Variants in SGPL1 observed in about 807,000 individuals in gnomAD.
The protein encoded by SGPL1 is SP-lyase 1.
In SGPL1, 37 loss-of-function variants were observed where a neutral mutation model predicts 68.9. The ratio of observed to expected loss-of-function variants is 0.54; its 90% confidence interval spans 0.41 to 0.71. SGPL1 has a LOEUF of 0.71. SGPL1 is among the 30% of genes least tolerant of loss of function. The pLI is 0.00. For synonymous variants in SGPL1, 236 were observed against 248.5 expected, an observed-to-expected ratio of 0.95 and a Z score of 0.47; for missense variants, 551 against 704.6, an observed-to-expected ratio of 0.78 and a Z score of 2.47.
rs1443709170 is a variant in SGPL1, at chr10:70,880,632, A to G, written c.*3297A>G. 1 of 152,244 alleles carries G rather than the reference A, an allele frequency of 6.6e-6. No homozygotes were observed. Among genetic ancestry groups the G allele is most frequent in the Non-Finnish European group, 1.5e-5 (1 of 68,048 alleles). 9.4% of individuals were successfully genotyped at this position (152,244 alleles called of 1,614,324 possible). A position where few individuals can be genotyped will look rare whatever the true frequency, so the allele number is the denominator to read the frequency against. On this transcript the variant is annotated 3_prime_UTR_variant, in exon 15 of 15. Transcript: ENST00000373202. ...CTGGAGATCTTATTCTATTATGAATAAGAAACGAGAAGTTTTTCCAAAGTG... is the reference window on the plus strand; with the variant it reads ...CTGGAGATCTTATTCTATTATGAATGAGAAACGAGAAGTTTTTCCAAAGTG...
At position 70,854,840 on chromosome 10, in the gene SGPL1, G is replaced by A; in HGVS notation, c.394G>A (p.Glu132Lys). 1 of 1,611,546 alleles carries A rather than the reference G, an allele frequency of 6.2e-7. No individual in the cohort carries two copies. The highest frequency in any genetic ancestry group is 8.5e-7 in the Non-Finnish European group (1 of 1,178,940). ...ATCTGCTGTTTTGGAGAAACTTAAGGAGTACAGCTCTATGGGTATGATGCT... is the reference window on the plus strand; with the variant it reads ...ATCTGCTGTTTTGGAGAAACTTAAGAAGTACAGCTCTATGGGTATGATGCT... ...SSSAVLEKLKEYSSMDAFWQE... is the reference protein window; with the variant it reads ...SSSAVLEKLKKYSSMDAFWQE... The change falls in exon 5 of 15, where the codon GAG becomes AAG. Residue 132 changes from glutamate (E) to lysine (K), a missense_variant. Physicochemically the swap from Glu to Lys is moderately conservative, Grantham distance 56. Transcript: ENST00000373202.
intron 2 of SGPL1, among the ~76,000 whole-genome samples, chr10:70,825,719 G>T (rs1254204025): frequency 6.6e-6 from 1 of 152,134 alleles, no homozygotes; most frequent in Non-Finnish European, 1.5e-5. Context: ...AGGAGTGAGT[G>T]CTACATACTT....
chr10:70,819,627 CTTTTT>C (rs35734922), intron 2 of SGPL1, among the ~76,000 whole-genome samples: 2 of 120,924 alleles, frequency 1.7e-5, no homozygotes, highest in Non-Finnish European at 3.4e-5. Flanking sequence ...TGGGATGCAG[CTTTTT>C]TTTTTTTTTT....
Position 70,869,878 on chromosome 10 carries a change from T to C in SGPL1, c.791T>C (p.Met264Thr), listed in dbSNP as rs1168365802. The change falls in exon 9 of 15, where the codon ATG becomes ACG. Residue 264 changes from methionine (M) to threonine (T), a missense_variant. Met to Thr is a moderately conservative substitution (Grantham distance 81, BLOSUM62 -1). Transcript: ENST00000373202. ...ATTGTGCGGGTCCCATTGACGAAGA[T>C]GATGGAGGTGGATGTGCGGGTGAGT... ...MKIVRVPLTKMMEVDVRAMRR... is the reference protein window; with the variant it reads ...MKIVRVPLTKTMEVDVRAMRR... 6.2e-7 allele frequency: 1 copy of C among 1,613,954 alleles called. No homozygotes were observed.
chr10:70,875,294 A>T (rs1328221534), intron 12 of SGPL1, 108 bp from the exon 13 acceptor site: 3 of 705,904 alleles, frequency 4.2e-6, no homozygotes, highest in Non-Finnish European at 7.3e-6. Flanking sequence ...AAAGGGTTAG[A>T]TTGCATTCAT....
chr10:70,853,786 T>C (rs1319050321), intron 4 of SGPL1, among the ~76,000 whole-genome samples: 1 of 152,172 alleles, frequency 6.6e-6, no homozygotes, highest in East Asian at 1.9e-4. Context: ...TTAGTTCCTT[T>C]TAATATTTTG....
chr10:70,818,934 C>T (rs1308739134), intron 2 of SGPL1, among the ~76,000 whole-genome samples: 3 of 152,172 alleles, frequency 2.0e-5, no homozygotes, highest in South Asian at 2.1e-4. Context: ...GCCTCTACCC[C>T]GTGCAGTAAT....
intron 8 of SGPL1, among the ~76,000 whole-genome samples, chr10:70,869,029 A>G (rs1349857129): frequency 6.6e-6 from 1 of 152,202 alleles, no homozygotes; most frequent in Non-Finnish European, 1.5e-5. Context: ...TGCAAGTATT[A>G]CTTGACAATG....
chr10:70,850,417 G>T (rs1411028838), intron 3 of SGPL1, among the ~76,000 whole-genome samples: 1 of 152,166 alleles, frequency 6.6e-6, no homozygotes, highest in Admixed American at 6.6e-5. Flanking sequence ...CTAAAAACAG[G>T]CTGCCCATTA....
intron 3 of SGPL1, 84 bp from the exon 4 acceptor site, chr10:70,851,059 T>G (rs942524405): frequency 1.9e-6 from 2 of 1,037,678 alleles, no homozygotes; most frequent in African/African-American, 3.2e-5. Context: ...GCAAGTGAGG[T>G]GGAAGACACA....
intron 7 of SGPL1, among the ~76,000 whole-genome samples, chr10:70,865,001 C>G (rs897825179): frequency 4.6e-5 from 7 of 152,234 alleles, no homozygotes; most frequent in South Asian, 4.1e-4. Context: ...CTGATGTTCT[C>G]TCTTCATTTT....
chr10:70,831,340 A>G (rs866121371), intron 2 of SGPL1, among the ~76,000 whole-genome samples: 2 of 152,082 alleles, frequency 1.3e-5, no homozygotes, highest in South Asian at 2.1e-4. Flanking sequence ...GACACTGTCT[A>G]CCTGGAGATA....
intron 5 of SGPL1, 99 bp from the exon 6 acceptor site, chr10:70,857,514 CT>C (rs1845984502): frequency 1.1e-6 from 1 of 916,326 alleles, no homozygotes; most frequent in East Asian, 2.6e-5. Context: ...ACATTTTTTT[CT>C]TTTGTATCCA....
At chr10:70,859,560 T>C in intron 7 of SGPL1, 61 bp downstream of exon 7, 1 of 832,204 alleles carries the variant, frequency 1.2e-6, no homozygotes, top group Non-Finnish European at 1.6e-6. Flanking sequence ...GAAGAGTTTT[T>C]AATAAATATT....
chr10:70,861,000 A>G (rs1347722858), intron 7 of SGPL1, among the ~76,000 whole-genome samples: 1 of 151,262 alleles, frequency 6.6e-6, no homozygotes, highest in Non-Finnish European at 1.5e-5. Flanking sequence ...ACATGACCCA[A>G]GTAATCTTTG....
intron 14 of SGPL1, 129 bp from the exon 15 acceptor site, chr10:70,877,066 T>TA: frequency 1.2e-6 from 1 of 806,974 alleles, no homozygotes; most frequent in Non-Finnish European, 2.0e-6. Context: ...TGGGATGCCT[T>TA]AGGTGGAAAT....
chr10:70,851,711 T>C (rs906831547), intron 4 of SGPL1, among the ~76,000 whole-genome samples: 3 of 152,194 alleles, frequency 2.0e-5, no homozygotes, highest in Non-Finnish European at 2.9e-5. Context: ...AAATGTTTTC[T>C]ATAAAGGGCT....
chr10:70,819,078 A>G (rs753705649), intron 2 of SGPL1, among the ~76,000 whole-genome samples: 3 of 152,184 alleles, frequency 2.0e-5, no homozygotes, highest in Non-Finnish European at 2.9e-5. Flanking sequence ...TATGTAAGAT[A>G]TTTCCCCATG....
At position 70,872,024 on chromosome 10, in the gene SGPL1, ATT is replaced by A. The variant is rs1308027970; in HGVS notation, c.1059+41_1059+42del. ...GGAGATCAAGTGTTACCAGTTGATT[ATT>A]TTGACTATTATTGATAAAATAAATT... On this transcript the variant is annotated intron_variant, in intron 11 of 14. Coordinates refer to ENST00000373202, the MANE Select transcript of SGPL1 (RefSeq NM_003901.4). The A allele has an allele frequency of 3.8e-6, 6 of 1,585,040 alleles. No individual in the cohort carries two copies. In the East Asian group the frequency reaches 1.1e-4, roughly 30 times the overall value.
Sources: gnomAD v4.1 joint callset for allele counts (sites outside exome capture counted in the v4.1 genomes callset) on GRCh38, gnomAD v4.1.1 for gene constraint, MANE v1.5 for transcripts, NCBI Gene and HGNC (gene_info 2026-07-23, HGNC 2026-07-21) for gene names.